ZNF107: variants seen among roughly 807,000 people sequenced by gnomAD.
ZNF107 encodes zinc finger protein 107.
A neutral mutation model predicts 12.3 loss-of-function variants in ZNF107; 19 were observed. The ratio of observed to expected loss-of-function variants is 1.55; its 90% CI spans 1.08 to 2.27. The LOEUF (loss-of-function observed/expected upper bound fraction) is 2.27. ZNF107 is among the 30% of genes most tolerant of loss of function. The pLI is 0.00. For synonymous variants in ZNF107, 317 were observed against 330.5 expected, an observed-to-expected ratio of 0.96 and a Z score of 0.44; for missense variants, 958 against 979.9, an observed-to-expected ratio of 0.98 and a Z score of 0.30.
At chr7:64,679,460 T>C (rs1452641119) in intron 1 of ZNF107, 1 of 747,282 alleles carries the variant, frequency 1.3e-6, no homozygotes, top group African/African-American at 1.9e-5. Context: ...CTTCCCTAGG[T>C]GACTGGTCAA....
rs1790116857 is a variant in ZNF107, at chr7:64,691,482, ATC to A, written c.130+112_130+113del. 46 of 1,033,324 alleles carry A rather than the reference ATC, an allele frequency of 4.5e-5. No homozygotes were observed. In the South Asian group the frequency reaches 1.1e-3, roughly 25 times the overall value. The allele number at this position is 1,033,324 out of a possible 1,614,324, so 64.0% of individuals were successfully genotyped here. ...TATGCTTTGCATAAATGAGTTTCAG[ATC>A]TCTGTTTTCAAGAAAATCCTTGAGA... On this transcript the variant is annotated intron_variant, in intron 2 of 3. Coordinates refer to ENST00000620827, the MANE Select transcript of ZNF107 (RefSeq NM_001282359.2).
chr7:64,689,596 C>G (rs951931734), intron 1 of ZNF107: 1 of 152,930 alleles, frequency 6.5e-6, no homozygotes, highest in South Asian at 2.1e-4. Flanking sequence ...TCCTTTTGCC[C>G]AAGAGCTAGC....
intron 3 of ZNF107, among the ~76,000 whole-genome samples, chr7:64,693,165 A>ATTTTTTTTTT (rs34734604): frequency 6.2e-3 from 677 of 109,770 alleles, no homozygotes; most frequent in Middle Eastern, 0.01. Context: ...CACTCAGCTA[A>ATTTTTTTTTT]TTTTTTTTTT....
chr7:64,677,175 AT>A (rs71567859), intron 1 of ZNF107, among the ~76,000 whole-genome samples: 138 of 145,160 alleles, frequency 9.5e-4, no homozygotes, highest in Admixed American at 1.0e-3. Flanking sequence ...ATACCCATGG[AT>A]TTTTTTTTTT....
chr7:64,699,458 AC>A (rs1790396948), intron 3 of ZNF107, among the ~76,000 whole-genome samples: 1 of 152,188 alleles, frequency 6.6e-6, no homozygotes, highest in East Asian at 1.9e-4. Context: ...TCTTACTCTC[AC>A]CCAGGCTAAA....
chr7:64,684,532 C>T (rs997068850), intron 1 of ZNF107: 2 of 970,796 alleles, frequency 2.1e-6, no homozygotes, highest in African/African-American at 1.8e-5. Flanking sequence ...TCAGCCTGAC[C>T]CTTCTTCCTC....
intron 1 of ZNF107, among the ~76,000 whole-genome samples, chr7:64,681,721 G>A (rs182400805): frequency 6.6e-6 from 1 of 152,072 alleles, no homozygotes; most frequent in African/African-American, 2.4e-5. Flanking sequence ...TTACAACATG[G>A]CCTCTTAGTA....
In ZNF107 at chr7:64,691,864, G is replaced by A; in HGVS notation, c.131-1G>A. On this transcript the variant is annotated splice_acceptor_variant, in intron 2 of 3. Coordinates refer to ENST00000620827, the MANE Select transcript of ZNF107 (RefSeq NM_001282359.2). LOFTEE classifies it high-confidence loss of function. The stretch of plus-strand genomic sequence containing the variant: ...TTATATATTTATTTTCAATAAAACA[G>A]GTATTGCTGTCTCTAAGCCATATCT... The A allele has an allele frequency of 7.0e-7, 1 of 1,422,912 alleles. No individual in the cohort carries two copies. The highest frequency in any genetic ancestry group is 2.8e-5 in the East Asian group (1 of 36,064). The allele number at this position is 1,422,912 out of a possible 1,614,324, so 88.1% of individuals were successfully genotyped here. A position where few individuals can be genotyped will look rare whatever the true frequency, so the allele number is the denominator to read the frequency against.
chr7:64,702,564 C>CA (rs1790510213), intron 3 of ZNF107, among the ~76,000 whole-genome samples: 1 of 149,420 alleles, frequency 6.7e-6, no homozygotes. Context: ...TTTTCATGTA[C>CA]TTTTTTTTTT....
intron 3 of ZNF107, among the ~76,000 whole-genome samples, chr7:64,704,222 A>G (rs1381863668): frequency 6.6e-6 from 1 of 152,088 alleles, no homozygotes; most frequent in Non-Finnish European, 1.5e-5. Context: ...CTGTTTTTGT[A>G]TATGTGCATA....
chr7:64,707,518 T>C lies in ZNF107; in HGVS notation c.1421T>C (p.Ile474Thr), dbSNP rs778857237. The C allele has an allele frequency of 6.2e-7, 1 of 1,613,230 alleles. No homozygotes were observed. Among genetic ancestry groups the C allele is most frequent in the Non-Finnish European group, 8.5e-7 (1 of 1,179,640 alleles). ...QHSNLINHRK[I>T]YSGEKPYKCE... is the part of the protein sequence containing the mutation. Reference sequence around the variant, plus strand: ...TCAAACCTAATTAACCATAGGAAAATTTATTCTGGAGAGAAACCATACAAA... The same window carrying C: ...TCAAACCTAATTAACCATAGGAAAACTTATTCTGGAGAGAAACCATACAAA... Residue 474 changes from isoleucine (I) to threonine (T), a missense_variant, in exon 4 of 4, where the codon ATT becomes ACT. Coordinates refer to ENST00000620827, the MANE Select transcript of ZNF107 (RefSeq NM_001282359.2).
intron 3 of ZNF107, among the ~76,000 whole-genome samples, chr7:64,697,916 G>A (rs571240364): frequency 3.6e-4 from 54 of 152,112 alleles, no homozygotes; most frequent in African/African-American, 1.2e-3. Context: ...TCCTGACCTC[G>A]TGATCCGCCC....
chr7:64,675,035 A>G (rs1024943125), intron 1 of ZNF107, among the ~76,000 whole-genome samples: 2 of 152,202 alleles, frequency 1.3e-5, no homozygotes, highest in African/African-American at 4.8e-5. Flanking sequence ...TTTTGCATAA[A>G]TGGTCATCAA....
chr7:64,707,410 C>G lies in ZNF107; in HGVS notation c.1313C>G (p.Ser438Ter). Residue 438 changes from serine to a stop codon, truncating the protein, a stop_gained, in exon 4 of 4, where the codon TCA becomes TGA. Transcript: ENST00000620827. LOFTEE classifies it low-confidence loss of function (END_TRUNC). ...KECGKAFNQS[S>*]NLTEHKKIHT... ...TGTGGCAAAGCTTTTAACCAATCTTCAAACCTTACTGAACATAAGAAAATT... is the reference window on the plus strand; with the variant it reads ...TGTGGCAAAGCTTTTAACCAATCTTGAAACCTTACTGAACATAAGAAAATT... 2 of 1,613,310 alleles carry G rather than the reference C, an allele frequency of 1.2e-6. No homozygotes were observed. Among genetic ancestry groups the G allele is most frequent in the African/African-American group, 1.3e-5 (1 of 74,978 alleles).
intron 1 of ZNF107, among the ~76,000 whole-genome samples, chr7:64,682,693 T>C (rs1282840319): frequency 6.6e-6 from 1 of 152,130 alleles, no homozygotes; most frequent in African/African-American, 2.4e-5. Flanking sequence ...CTAATACTCC[T>C]AGAATCCCTC....
chr7:64,676,352 G>A (rs930359736), intron 1 of ZNF107, among the ~76,000 whole-genome samples: 1 of 152,150 alleles, frequency 6.6e-6, no homozygotes, highest in East Asian at 1.9e-4. Flanking sequence ...ATATTATGTA[G>A]TTTGTAGATG....
At chr7:64,670,312 A>C (rs548048509) in intron 1 of ZNF107, among the ~76,000 whole-genome samples, 5 of 152,130 alleles carry the variant, frequency 3.3e-5, no homozygotes, top group Non-Finnish European at 7.4e-5. Flanking sequence ...AGAAGGTTAG[A>C]AAGAAGGTCA....
In ZNF107 at chr7:64,708,629, C is replaced by G; in HGVS notation, c.2532C>G (p.Pro844=). Residue 844 remains proline, a synonymous_variant, in exon 4 of 4, where the codon CCC becomes CCG. Transcript: ENST00000620827. ...THKKIHTGEK[P]YKCEYGKT is the part of the protein sequence containing the mutation. ...AGAAAATTCATACTGGAGAGAAACC[C>G]TACAAATGTGAGTATGGCAAAACTT... 6.3e-7 allele frequency: 1 copy of G among 1,589,352 alleles called. No homozygotes were observed. The highest frequency in any genetic ancestry group is 8.6e-7 in the Non-Finnish European group (1 of 1,167,194).
chr7:64,685,947 A>G (rs916697205), intron 1 of ZNF107, among the ~76,000 whole-genome samples: 2 of 152,186 alleles, frequency 1.3e-5, no homozygotes, highest in Non-Finnish European at 2.9e-5. Flanking sequence ...CCAATGCCAC[A>G]GGAACTGGAA....
Sources: allele counts gnomAD v4.1 joint callset (sites outside exome capture counted in the v4.1 genomes callset), GRCh38; gene constraint gnomAD v4.1.1; transcripts MANE v1.5; gene names NCBI Gene and HGNC (gene_info 2026-07-23, HGNC 2026-07-21).